The following DGKB variants were observed in gnomAD, a reference collection of about 807,000 sequenced individuals.
The protein encoded by DGKB is diacylglycerol kinase beta, also known as 90 kDa diacylglycerol kinase.
A neutral mutation model predicts 114.3 loss-of-function variants in DGKB; 67 were observed. That is an observed-to-expected ratio of 0.59 (90% confidence interval 0.48 to 0.72). The LOEUF (loss-of-function observed/expected upper bound fraction) is 0.72, where lower values mean the gene tolerates loss of function less well. Among genes scored for constraint, DGKB ranks in the 30% least tolerant of loss-of-function variants. The pLI is 0.00. For synonymous variants in DGKB, 398 were observed against 323.1 expected (o/e 1.23, Z -2.49); for missense variants, 907 against 975.2 (o/e 0.93, Z 0.93).
intron 2 of DGKB, among the ~76,000 whole-genome samples, chr7:14,769,242 G>GAAAGA (rs1837021571): frequency 7.9e-6 from 1 of 126,470 alleles, no homozygotes; most frequent in Non-Finnish European, 1.6e-5. Flanking sequence ...AAGAAAGAAA[G>GAAAGA]AAAGAAAGAA....
At chr7:14,593,906 C>T (rs988355616) in intron 17 of DGKB, among the ~76,000 whole-genome samples, 5 of 151,754 alleles carry the variant, frequency 3.3e-5, no homozygotes, top group Non-Finnish European at 7.4e-5. Flanking sequence ...TAAGGAAGTC[C>T]TTTCGGTTTT....
chr7:14,639,953 T>C (rs971128726), intron 13 of DGKB, among the ~76,000 whole-genome samples: 1 of 152,094 alleles, frequency 6.6e-6, no homozygotes, highest in Non-Finnish European at 1.5e-5. Context: ...AAGAGAGGAA[T>C]GTGACACAGT....
At chr7:14,417,138 C>A (rs1307225364) in intron 21 of DGKB, among the ~76,000 whole-genome samples, 1 of 152,074 alleles carries the variant, frequency 6.6e-6, no homozygotes, top group African/African-American at 2.4e-5. Context: ...CACTTAAGTT[C>A]TCTGCACCCT....
chr7:14,520,690 G>T (rs193270463), intron 20 of DGKB, among the ~76,000 whole-genome samples: 2 of 151,844 alleles, frequency 1.3e-5, no homozygotes, highest in Non-Finnish European at 2.9e-5. Context: ...GCAACACCTA[G>T]TATGATGTCA....
intron 23 of DGKB, among the ~76,000 whole-genome samples, chr7:14,323,767 T>C (rs983084845): frequency 2.6e-5 from 4 of 152,202 alleles, no homozygotes; most frequent in African/African-American, 9.7e-5. Flanking sequence ...GGCTGACACA[T>C]ATTAAACTAT....
intron 23 of DGKB, among the ~76,000 whole-genome samples, chr7:14,300,784 C>A (rs1336355169): frequency 6.6e-6 from 1 of 151,976 alleles, no homozygotes; most frequent in East Asian, 1.9e-4. Context: ...TTTTCCATTT[C>A]CTGGTTTTGA....
At chr7:14,590,522 A>G (rs1162658979) in intron 17 of DGKB, among the ~76,000 whole-genome samples, 1 of 152,074 alleles carries the variant, frequency 6.6e-6, no homozygotes, top group African/African-American at 2.4e-5. Context: ...CCTACCCCCA[A>G]ACATAAACCC....
intron 2 of DGKB, among the ~76,000 whole-genome samples, chr7:14,783,925 G>A (rs941107790): frequency 1.3e-5 from 2 of 152,080 alleles, no homozygotes; most frequent in Non-Finnish European, 2.9e-5. Context: ...ATGATCCCTT[G>A]TTAAATTTCT....
intron 1 of DGKB, among the ~76,000 whole-genome samples, chr7:14,848,319 G>C (rs1179655582): frequency 6.6e-6 from 1 of 152,176 alleles, no homozygotes; most frequent in Non-Finnish European, 1.5e-5. Context: ...TTTGGCTTGA[G>C]TGCAGGAAAT....
intron 21 of DGKB, among the ~76,000 whole-genome samples, chr7:14,383,620 A>G (rs56364675): frequency 0.24 from 36,765 of 151,904 alleles, 4,542 homozygotes; most frequent in Middle Eastern, 0.34. Flanking sequence ...CCCGCGTATC[A>G]ATGTACCAGG....
intron 4 of DGKB, among the ~76,000 whole-genome samples, 156 bp from the exon 5 acceptor site, chr7:14,736,350 C>T (rs534159576): frequency 5.9e-5 from 9 of 152,172 alleles, no homozygotes; most frequent in South Asian, 2.1e-4. Flanking sequence ...TAGGGTGGGC[C>T]GTCCTGGGCT....
intron 20 of DGKB, among the ~76,000 whole-genome samples, chr7:14,554,286 C>T (rs1795557186): frequency 6.6e-6 from 1 of 152,108 alleles, no homozygotes; most frequent in Admixed American, 6.6e-5. Context: ...TTTAAAAGTC[C>T]CGAACAACTC....
At chr7:14,571,322 T>G (rs775404981) in intron 20 of DGKB, among the ~76,000 whole-genome samples, 1 of 152,230 alleles carries the variant, frequency 6.6e-6, no homozygotes, top group African/African-American at 2.4e-5. Flanking sequence ...TCAGTGGAAC[T>G]GACTTGATTT....
chr7:14,564,976 A>C (rs1797180445), intron 20 of DGKB, among the ~76,000 whole-genome samples: 1 of 152,132 alleles, frequency 6.6e-6, no homozygotes, highest in Non-Finnish European at 1.5e-5. Flanking sequence ...GTTTAGGTAG[A>C]TGGAAAATAA....
chr7:14,664,292 G>T (rs980738422), intron 13 of DGKB, among the ~76,000 whole-genome samples: 4 of 151,822 alleles, frequency 2.6e-5, no homozygotes, highest in African/African-American at 9.7e-5. Flanking sequence ...TTTCTCTCCT[G>T]GTTGCCTAAT....
intron 14 of DGKB, 30 bp from the exon 15 acceptor site, chr7:14,621,524 A>T: frequency 7.9e-7 from 1 of 1,273,034 alleles, no homozygotes; most frequent in South Asian, 1.3e-5. Context: ...GATAAAAATA[A>T]AAATTAGGAA....
chr7:14,157,863 A>AGT (rs1783256659), intron 25 of DGKB, among the ~76,000 whole-genome samples: 1 of 152,214 alleles, frequency 6.6e-6, no homozygotes, highest in African/African-American at 2.4e-5. Flanking sequence ...ACATAACAAA[A>AGT]CAATACAAAA....
intron 23 of DGKB, among the ~76,000 whole-genome samples, chr7:14,196,464 C>T (rs932142450): frequency 1.3e-5 from 2 of 152,056 alleles, no homozygotes; most frequent in Non-Finnish European, 2.9e-5. Context: ...CTCCTCCCCC[C>T]ACACTCCCTT....
chr7:14,856,449 G>A (rs906257087), intron 1 of DGKB, among the ~76,000 whole-genome samples: 1 of 151,894 alleles, frequency 6.6e-6, no homozygotes, highest in Non-Finnish European at 1.5e-5. Context: ...TTATTTCTAT[G>A]CTTCTTTTAT....
Sources: gnomAD v4.1 joint callset for allele counts (sites outside exome capture counted in the v4.1 genomes callset) on GRCh38, gnomAD v4.1.1 for gene constraint, MANE v1.5 for transcripts, NCBI Gene and HGNC (gene_info 2026-07-23, HGNC 2026-07-21) for gene names.